Variants in AKAP3 observed in about 807,000 individuals in gnomAD.
AKAP3 encodes the protein A-kinase anchoring protein 3, also known as A-kinase anchor protein 3.
Under a neutral mutation model 57.2 loss-of-function variants are expected in AKAP3, and 27 were observed. That is an observed-to-expected ratio of 0.47 (90% CI 0.35 to 0.65). The LOEUF (loss-of-function observed/expected upper bound fraction) is 0.65. Ranked by LOEUF, AKAP3 falls within the 30% of genes least tolerant of loss-of-function variation. AKAP3 has a pLI of 0.01. For synonymous variants in AKAP3, 334 were observed against 392.3 expected (o/e 0.85, Z 1.76); for missense variants, 959 against 1,040.0 (o/e 0.92, Z 1.07).
At chr12:4,635,893 G>T in intron 4 of AKAP3, 3 of 706,630 alleles carry the variant, frequency 4.2e-6, no homozygotes, top group Admixed American at 2.1e-5. Flanking sequence ...ACCACTCTTA[G>T]ATCTCTCCAT....
At chr12:4,615,967 T>C in intron 5 of AKAP3, 73 bp from the exon 6 acceptor site, 2 of 1,580,206 alleles carry the variant, frequency 1.3e-6, no homozygotes, top group Admixed American at 1.8e-5. Flanking sequence ...CTGCCAAGGC[T>C]GGAGCAGAGA....
intron 5 of AKAP3, among the ~76,000 whole-genome samples, chr12:4,626,018 A>G (rs1945407904): frequency 6.6e-6 from 1 of 152,130 alleles, no homozygotes; most frequent in Non-Finnish European, 1.5e-5. Context: ...GGTGTTATCC[A>G]CTGAATCCTT....
intron 5 of AKAP3, among the ~76,000 whole-genome samples, chr12:4,624,055 CAT>C (rs1945378196): frequency 6.6e-6 from 1 of 152,024 alleles, no homozygotes; most frequent in African/African-American, 2.4e-5. Flanking sequence ...GTGTATAGCA[CAT>C]GTGAATACAT....
intron 2 of AKAP3, 32 bp from the exon 3 acceptor site, chr12:4,642,036 A>T (rs1331187614): frequency 1.3e-5 from 2 of 152,170 alleles, no homozygotes; most frequent in Non-Finnish European, 2.9e-5. Context: ...AAAAATGACT[A>T]ATTTTACAGA....
Position 4,626,758 on chromosome 12 carries a change from T to A in AKAP3, c.2144A>T (p.Tyr715Phe), listed in dbSNP as rs751278576. The change falls in exon 5 of 6, where the codon TAT becomes TTT. Residue 715 changes from tyrosine (Y) to phenylalanine (F), a missense_variant. By Grantham distance (22) the Tyr-to-Phe change is conservative. Transcript: ENST00000228850. ...TGTGCCCTTGGCTGGTAAGCACTCA[T>A]ATAAACTATCTGGGAAGGCCGAAGT... ...RLTSAFPDSL[Y>F]ECLPAKGTGS... is the part of the protein sequence containing the mutation. 1 of 1,613,186 alleles carries A rather than the reference T, an allele frequency of 6.2e-7. No homozygotes were observed. Among genetic ancestry groups the A allele is most frequent in the South Asian group, 1.1e-5 (1 of 91,082 alleles).
chr12:4,616,284 A>G (rs530565266), intron 5 of AKAP3, among the ~76,000 whole-genome samples: 2 of 152,340 alleles, frequency 1.3e-5, no homozygotes, highest in African/African-American at 2.4e-5. Context: ...TCAGAGATCA[A>G]TTCAACCCTC....
rs79251030 is a variant in AKAP3 at position 4,636,130 on chromosome 12, C to A, written c.96+1971G>T. ...GCATATTTTATTTCCAGTATTTGAG[C>A]CATAGGGTCTTGCTTGCGCCTCGAT... On this transcript the variant is annotated intron_variant, in intron 4 of 5. Transcript: ENST00000228850. 1.3e-3 allele frequency: 1,208 copies of A among 920,810 alleles called. 7 individuals carry two copies. The highest frequency in any genetic ancestry group is 0.013 in the African/African-American group (779 of 59,440). The allele number at this position is 920,810 out of a possible 1,614,324, so 57.0% of individuals were successfully genotyped here.
chr12:4,617,751 C>CAAAAA (rs3083727), intron 5 of AKAP3, among the ~76,000 whole-genome samples: 3 of 118,448 alleles, frequency 2.5e-5, no homozygotes, highest in Admixed American at 8.8e-5. Context: ...GATTCTGTCT[C>CAAAAA]AAAAAAAAAA....
chr12:4,620,776 T>C (rs1413599114), intron 5 of AKAP3, among the ~76,000 whole-genome samples: 1 of 152,194 alleles, frequency 6.6e-6, no homozygotes, highest in African/African-American at 2.4e-5. Flanking sequence ...CTGCCAGTTA[T>C]ATAAAAGTCT....
At chr12:4,632,449 T>G (rs1220620737) in intron 4 of AKAP3, among the ~76,000 whole-genome samples, 2 of 152,146 alleles carry the variant, frequency 1.3e-5, no homozygotes, top group African/African-American at 4.8e-5. Flanking sequence ...AACTGTTAAC[T>G]TTGGGTTAGC....
At chr12:4,640,604 T>C (rs1007641429) in intron 3 of AKAP3, among the ~76,000 whole-genome samples, 3 of 152,194 alleles carry the variant, frequency 2.0e-5, no homozygotes, top group Non-Finnish European at 4.4e-5. Flanking sequence ...TAGATAATCA[T>C]TACAAAGAAA....
Position 4,615,646 on chromosome 12 carries a change from GGATATAGAGGGGGA to G in AKAP3, c.*79_*92del. On this transcript the variant is annotated 3_prime_UTR_variant, in exon 6 of 6. Transcript: ENST00000228850. ...TGAAGATAATGTTAGGGCTCTGTGAGGATATAGAGGGGGAGATGTGGAAGTGAGAAAGAAGGGCG... is the reference window on the plus strand; with the variant it reads ...TGAAGATAATGTTAGGGCTCTGTGAGGATGTGGAAGTGAGAAAGAAGGGCG... The G allele has an allele frequency of 7.0e-7, 1 of 1,438,602 alleles. No individual in the cohort carries two copies. The highest frequency in any genetic ancestry group is 9.5e-7 in the Non-Finnish European group (1 of 1,051,040). The allele number at this position is 1,438,602 out of a possible 1,614,324, so 89.1% of individuals were successfully genotyped here.
At chr12:4,623,744 C>A (rs1945372630) in intron 5 of AKAP3, among the ~76,000 whole-genome samples, 1 of 151,900 alleles carries the variant, frequency 6.6e-6, no homozygotes. Context: ...ACCCCTGAAC[C>A]TAAAATAAGT....
intron 4 of AKAP3, 88 bp downstream of exon 4, chr12:4,638,013 G>C: frequency 2.7e-6 from 3 of 1,108,456 alleles, no homozygotes; most frequent in Non-Finnish European, 4.1e-6. Flanking sequence ...AAAATAAGAG[G>C]TTGGTGGTAT....
chr12:4,618,810 C>T lies in AKAP3; in HGVS notation c.2407-2916G>A, dbSNP rs12312222. ...AAAATCACAAGACATAAAAGTAAAA[C>T]GTGATAAATCGGCTGTCATCTAGTT... On this transcript the variant is annotated intron_variant, in intron 5 of 5. Coordinates refer to ENST00000228850, the MANE Select transcript of AKAP3 (RefSeq NM_001278309.2). Among the ~76,000 whole-genome samples the T allele has an allele frequency of 2.3e-3, 357 of 152,282 alleles. 1 individual carries two copies. Among genetic ancestry groups the T allele is most frequent in the African/African-American group, 8.2e-3 (341 of 41,556 alleles).
intron 3 of AKAP3, among the ~76,000 whole-genome samples, chr12:4,639,418 T>C (rs757911355): frequency 1.3e-5 from 2 of 152,178 alleles, no homozygotes; most frequent in African/African-American, 2.4e-5. Flanking sequence ...TTTAATTTAA[T>C]TTAATTTTTT....
At chr12:4,636,873 T>C (rs1471819545) in intron 4 of AKAP3, among the ~76,000 whole-genome samples, 1 of 152,034 alleles carries the variant, frequency 6.6e-6, no homozygotes. Context: ...CCTCAGCCTC[T>C]CAAGTTGCTG....
Position 4,615,861 on chromosome 12 carries a change from C to CT in AKAP3, c.2439dup (p.Gly814ArgfsTer15). On this transcript the variant is annotated frameshift_variant, in exon 6 of 6. Coordinates refer to ENST00000228850, the MANE Select transcript of AKAP3 (RefSeq NM_001278309.2). LOFTEE classifies it high-confidence loss of function. Reference sequence around the variant, plus strand: ...TGCAGAACCTCGCCCACACTGCATCCTTTGTCCACAGCAGCAGCTGAGAGC... The same window carrying CT: ...TGCAGAACCTCGCCCACACTGCATCCTTTTGTCCACAGCAGCAGCTGAGAGC... 1 of 1,614,226 alleles carries CT rather than the reference C, an allele frequency of 6.2e-7. No individual in the cohort carries two copies. Among genetic ancestry groups the CT allele is most frequent in the African/African-American group, 1.3e-5 (1 of 75,062 alleles).
At chr12:4,635,959 T>G in intron 4 of AKAP3, 1 of 1,096,820 alleles carries the variant, frequency 9.1e-7, no homozygotes, top group Non-Finnish European at 1.4e-6. Context: ...TGGGCCCATA[T>G]TTCACAAAGA....
Sources: gnomAD v4.1 joint callset for allele counts (sites outside exome capture counted in the v4.1 genomes callset) on GRCh38, gnomAD v4.1.1 for gene constraint, MANE v1.5 for transcripts, NCBI Gene and HGNC (gene_info 2026-07-23, HGNC 2026-07-21) for gene names.